Variants in SCN1A observed in about 807,000 individuals in gnomAD.
SCN1A encodes the protein sodium voltage-gated channel alpha subunit 1.
A neutral mutation model predicts 193.7 loss-of-function variants in SCN1A; 13 were observed. The ratio of observed to expected loss-of-function variants is 0.07; its 90% confidence interval spans 0.04 to 0.11. The LOEUF (loss-of-function observed/expected upper bound fraction) is 0.11. Among genes scored for constraint, SCN1A ranks in the 10% least tolerant of loss-of-function variants. The pLI is 1.00. For synonymous variants in SCN1A, 781 were observed against 843.6 expected, an observed-to-expected ratio of 0.93 and a Z score of 1.29; for missense variants, 1,432 against 2,451.1, an observed-to-expected ratio of 0.58 and a Z score of 8.78.
At chr2:166,088,868 C>T (rs1686445305) in intron 2 of SCN1A, among the ~76,000 whole-genome samples, 1 of 151,932 alleles carries the variant, frequency 6.6e-6, no homozygotes, top group South Asian at 2.1e-4. Context: ...GTAGGGAGAC[C>T]CAAGGTCAGC....
At chr2:166,141,533 AT>A (rs1363866471) in intron 1 of SCN1A, among the ~76,000 whole-genome samples, 1 of 152,038 alleles carries the variant, frequency 6.6e-6, no homozygotes, top group Non-Finnish European at 1.5e-5. Context: ...CTCCACAAAT[AT>A]TTTTTTAAAA....
chr2:166,055,131 GA>G (rs1002676735), intron 6 of SCN1A, among the ~76,000 whole-genome samples: 1 of 150,020 alleles, frequency 6.7e-6, no homozygotes, highest in African/African-American at 2.4e-5. Context: ...TTCTTTTAGG[GA>G]AAAAAATCTC....
chr2:166,102,524 GAAA>G (rs200466227), intron 2 of SCN1A, among the ~76,000 whole-genome samples: 1 of 118,462 alleles, frequency 8.4e-6, no homozygotes, highest in African/African-American at 2.8e-5. Context: ...AGAAAAAAAA[GAAA>G]AAAAAAAAGT....
chr2:166,069,523 T>C (rs1684196001), intron 4 of SCN1A, among the ~76,000 whole-genome samples: 1 of 152,242 alleles, frequency 6.6e-6, no homozygotes. Context: ...TTTAATAAGC[T>C]CACTGACACT....
upstream of SCN1A, among the ~76,000 whole-genome samples, chr2:166,132,097 G>C (rs1009064018): frequency 6.6e-6 from 1 of 152,298 alleles, no homozygotes; most frequent in South Asian, 2.1e-4. Flanking sequence ...CCTTGAGGTG[G>C]TATCCCAAAG....
intron 4 of SCN1A, among the ~76,000 whole-genome samples, chr2:166,065,364 C>T (rs1683723068): frequency 6.6e-6 from 1 of 152,144 alleles, no homozygotes; most frequent in African/African-American, 2.4e-5. Flanking sequence ...CATAGATGGT[C>T]AGGAGATTCC....
At chr2:166,087,699 G>T (rs1378034096) in intron 2 of SCN1A, among the ~76,000 whole-genome samples, 6 of 151,904 alleles carry the variant, frequency 3.9e-5, no homozygotes, top group Non-Finnish European at 5.9e-5. Flanking sequence ...TTCTTTTATA[G>T]CAATACTAAA....
At chr2:166,143,540 G>A (rs994138852) in intron 1 of SCN1A, among the ~76,000 whole-genome samples, 1 of 152,152 alleles carries the variant, frequency 6.6e-6, no homozygotes, top group Non-Finnish European at 1.5e-5. Context: ...TGGGGTAAAT[G>A]AGGAAAACAA....
chr2:166,059,396 A>T (rs1574305856), intron 4 of SCN1A: 2 of 152,158 alleles, frequency 1.3e-5, no homozygotes, highest in Non-Finnish European at 2.9e-5. Flanking sequence ...GTGCTTTCTT[A>T]TCACAGAGGA....
Position 166,013,609 on chromosome 2 carries a change from A to C in SCN1A, c.3705+135T>G. 6.6e-6 allele frequency: 5 copies of C among 761,374 alleles called. No homozygotes were observed. In the Admixed American group the frequency reaches 1.0e-4, roughly 16 times the overall value. The allele number at this position is 761,374 out of a possible 1,614,324, so 47.2% of individuals were successfully genotyped here. A position where few individuals can be genotyped will look rare whatever the true frequency, so the allele number is the denominator to read the frequency against. On this transcript the variant is annotated intron_variant, in intron 21 of 28. Coordinates refer to ENST00000674923, the MANE Select transcript of SCN1A (RefSeq NM_001165963.4). ...CCAGAAATATAGAGTTATAGAGTAA[A>C]TCTATAGAAGATACAAGGTGGGATA...
At chr2:166,015,514 G>A (rs1174227979) in intron 20 of SCN1A, 93 bp downstream of exon 20, 5 of 1,452,784 alleles carry the variant, frequency 3.4e-6, no homozygotes, top group Non-Finnish European at 4.8e-6. Flanking sequence ...ATTACAAAGT[G>A]CCATTTTATT....
intron 2 of SCN1A, among the ~76,000 whole-genome samples, chr2:166,085,348 A>C (rs188960750): frequency 6.2e-4 from 94 of 152,300 alleles, no homozygotes; most frequent in East Asian, 3.9e-4. Flanking sequence ...GAAATGGTTC[A>C]ACAGAAATAC....
intron 19 of SCN1A, chr2:166,027,139 CAG>C (rs1262461279): frequency 1.3e-5 from 2 of 152,146 alleles, no homozygotes; most frequent in East Asian, 3.9e-4. Flanking sequence ...TGTGAGCTGA[CAG>C]AATGCAGAGA....
intron 19 of SCN1A, among the ~76,000 whole-genome samples, chr2:166,020,628 A>T (rs921306163): frequency 2.0e-5 from 3 of 152,226 alleles, no homozygotes; most frequent in Admixed American, 2.0e-4. Context: ...GTGTTGTTGT[A>T]TTTATAAAAA....
Position 166,043,776 on chromosome 2 carries a change from C to T in SCN1A, c.1936G>A (p.Asp646Asn), listed in dbSNP as rs1553544581. ...ACCAAGGAAACCACACCATTGCAAT[C>T]CACAGTGCTGTGCATCTTCCCATTC... is the stretch of plus-strand genomic sequence containing the variant. ...PANGKMHSTV[D>N]CNGVVSLVGG... Residue 646 changes from aspartate to asparagine, a missense_variant, in exon 14 of 29, where the codon GAT becomes AAT. Coordinates refer to ENST00000674923, the MANE Select transcript of SCN1A (RefSeq NM_001165963.4). The T allele has an allele frequency of 6.2e-7, 1 of 1,614,192 alleles. No homozygotes were observed. The highest frequency in any genetic ancestry group is 8.5e-7 in the Non-Finnish European group (1 of 1,180,036).
chr2:166,033,035 A>G (rs1395754801), intron 19 of SCN1A, among the ~76,000 whole-genome samples: 1 of 152,184 alleles, frequency 6.6e-6, no homozygotes, highest in East Asian at 1.9e-4. Flanking sequence ...TGTACCAAAC[A>G]TGTTTAAGTA....
At chr2:166,091,227 T>A (rs1489803462) in intron 2 of SCN1A, among the ~76,000 whole-genome samples, 1 of 152,206 alleles carries the variant, frequency 6.6e-6, no homozygotes, top group Non-Finnish European at 1.5e-5. Flanking sequence ...TGCTGTCGGC[T>A]GAGACAAAAA....
chr2:166,007,055 G>GTT (rs560882795), intron 23 of SCN1A, among the ~76,000 whole-genome samples: 25 of 140,938 alleles, frequency 1.8e-4, no homozygotes, highest in African/African-American at 5.9e-4. Context: ...ATTCATAAAG[G>GTT]TTTTTTTTTT....
chr2:166,103,316 T>C (rs994981548), intron 2 of SCN1A, among the ~76,000 whole-genome samples: 2 of 152,142 alleles, frequency 1.3e-5, no homozygotes, highest in African/African-American at 4.8e-5. Flanking sequence ...CCGGGCATGG[T>C]GGCAGGCACC....
Sources: gnomAD v4.1 joint callset for allele counts (sites outside exome capture counted in the v4.1 genomes callset) on GRCh38, gnomAD v4.1.1 for gene constraint, MANE v1.5 for transcripts, NCBI Gene and HGNC (gene_info 2026-07-23, HGNC 2026-07-21) for gene names.